Variants in RNF128 observed in about 807,000 individuals in gnomAD.
RNF128 encodes the protein E3 ubiquitin-protein ligase RNF128.
In RNF128, 13 loss-of-function variants were observed where a neutral mutation model predicts 26.2. That is an observed-to-expected ratio of 0.50 (90% CI 0.32 to 0.79). RNF128 has a LOEUF of 0.79. Ranked by LOEUF, RNF128 falls within the 30% of genes least tolerant of loss-of-function variation. The pLI, the probability that RNF128 is intolerant of heterozygous loss-of-function variation, is 0.03. For synonymous variants in RNF128, 149 were observed against 142.5 expected (o/e 1.05, Z -0.32); for missense variants, 315 against 349.7 (o/e 0.90, Z 0.79).
At chrX:106,760,978 A>G (rs757173287) in intron 1 of RNF128, among the ~76,000 whole-genome samples, 2 of 112,115 alleles carry the variant, frequency 1.8e-5, no homozygotes, top group Non-Finnish European at 3.8e-5. Flanking sequence ...AACAGAGTAA[A>G]CAGACAACCT....
intron 1 of RNF128, among the ~76,000 whole-genome samples, chrX:106,770,089 T>C (rs1201242166): frequency 8.9e-6 from 1 of 112,166 alleles, no homozygotes; most frequent in Non-Finnish European, 1.9e-5. Context: ...CTCTTCTGAT[T>C]TGTAGAGTTT....
intron 1 of RNF128, among the ~76,000 whole-genome samples, chrX:106,771,434 T>C (rs1930368196): frequency 8.9e-6 from 1 of 112,772 alleles, no homozygotes; most frequent in South Asian, 3.7e-4. Context: ...TTTGTTTACC[T>C]ACTCAAGCCT....
At chrX:106,703,165 T>A (rs774086987) in intron 1 of RNF128, among the ~76,000 whole-genome samples, 2 of 111,729 alleles carry the variant, frequency 1.8e-5, no homozygotes, top group East Asian at 2.8e-4. Context: ...GAAATGAAAA[T>A]TTCCTTAATA....
intron 1 of RNF128, among the ~76,000 whole-genome samples, chrX:106,771,231 C>T (rs1254093331): frequency 6.2e-5 from 7 of 112,599 alleles, no homozygotes; most frequent in African/African-American, 9.7e-5. Context: ...GCAGTCTGTC[C>T]GTTCTCAGAT....
intron 1 of RNF128, among the ~76,000 whole-genome samples, chrX:106,736,488 AT>A (rs1929598850): frequency 9.0e-6 from 1 of 111,544 alleles, no homozygotes; most frequent in African/African-American, 3.2e-5. Context: ...CTTTTCAAAA[AT>A]TTTGTGCTTC....
At chrX:106,721,095 T>C (rs1045065295) in intron 1 of RNF128, among the ~76,000 whole-genome samples, 1 of 112,325 alleles carries the variant, frequency 8.9e-6, no homozygotes, top group Non-Finnish European at 1.9e-5. Flanking sequence ...CATTATGTTA[T>C]TTGGAAGTAT....
intron 1 of RNF128, among the ~76,000 whole-genome samples, chrX:106,701,310 A>G (rs1170522701): frequency 9.0e-6 from 1 of 111,603 alleles, no homozygotes; most frequent in Non-Finnish European, 1.9e-5. Flanking sequence ...CCGTTCTATC[A>G]TTGAGTATGT....
At chrX:106,750,606 T>C (rs1482726952) in intron 1 of RNF128, among the ~76,000 whole-genome samples, 2 of 111,654 alleles carry the variant, frequency 1.8e-5, no homozygotes, top group African/African-American at 6.5e-5. Context: ...GAGCCACCAA[T>C]GTAAATGTCA....
intron 1 of RNF128, among the ~76,000 whole-genome samples, chrX:106,761,982 T>G: frequency 9.1e-6 from 1 of 110,110 alleles, no homozygotes; most frequent in Non-Finnish European, 1.9e-5. Context: ...AATTTATAAT[T>G]GACACATAAT....
intron 1 of RNF128, among the ~76,000 whole-genome samples, chrX:106,716,115 A>C (rs1929211929): frequency 9.0e-6 from 1 of 110,768 alleles, no homozygotes; most frequent in Admixed American, 9.6e-5. Context: ...ACCTTCCCTC[A>C]CCATTTGTGT....
intron 1 of RNF128, among the ~76,000 whole-genome samples, chrX:106,719,228 ATTT>A (rs11328315): frequency 0.12 from 12,077 of 100,588 alleles, 1,701 homozygotes; most frequent in African/African-American, 0.4. Flanking sequence ...GCCCATGGGC[ATTT>A]TTTTTTTTTT....
intron 1 of RNF128, among the ~76,000 whole-genome samples, chrX:106,768,709 A>G (rs1055588241): frequency 2.7e-5 from 3 of 109,899 alleles, no homozygotes; most frequent in Non-Finnish European, 5.7e-5. Context: ...TTGTGTCTCT[A>G]TCTCCTTCTC....
chrX:106,775,393 A>G (rs772304315), intron 2 of RNF128, among the ~76,000 whole-genome samples: 3 of 112,090 alleles, frequency 2.7e-5, no homozygotes, highest in African/African-American at 9.7e-5. Context: ...AGGTTTATAA[A>G]GAACTTTGTC....
intron 1 of RNF128, among the ~76,000 whole-genome samples, chrX:106,737,154 C>T (rs1459194982): frequency 9.0e-6 from 1 of 111,409 alleles, no homozygotes; most frequent in African/African-American, 3.3e-5. Context: ...TTTGTAATGT[C>T]CCTAAAAGTC....
chrX:106,713,244 C>T (rs766525910), intron 1 of RNF128, among the ~76,000 whole-genome samples: 1 of 108,680 alleles, frequency 9.2e-6, no homozygotes, highest in Non-Finnish European at 1.9e-5. Flanking sequence ...TGCGGTGGCT[C>T]ACACCTGTAA....
chrX:106,760,905 A>G (rs189312413), intron 1 of RNF128, among the ~76,000 whole-genome samples: 101 of 112,219 alleles, frequency 9.0e-4, no homozygotes, highest in Non-Finnish European at 1.6e-3. Flanking sequence ...AAAAACAAAA[A>G]CAAAAGTTGG....
intron 1 of RNF128, among the ~76,000 whole-genome samples, chrX:106,756,432 G>A (rs1380904306): frequency 9.2e-5 from 10 of 109,141 alleles, no homozygotes; most frequent in African/African-American, 3.5e-4. Context: ...AAATAATGCT[G>A]CATACCTACA....
rs1385683678 is a variant in RNF128 at position 106,796,287 on chromosome X, T to C, written c.*574T>C. The C allele has an allele frequency of 8.9e-6, 1 of 112,389 alleles. No individual in the cohort carries two copies. Among genetic ancestry groups the C allele is most frequent in the African/African-American group, 3.2e-5 (1 of 30,939 alleles). The allele number at this position is 112,389 out of a possible 1,213,427, so 9.3% of individuals were successfully genotyped here. On this transcript the variant is annotated 3_prime_UTR_variant, in exon 7 of 7. Coordinates refer to ENST00000255499, the MANE Select transcript of RNF128 (RefSeq NM_194463.2). ...ATTTTTAAAATTAGGCTGAATGTAC[T>C]TCATGTGATTTGTCAACCATAGTTT...
At chrX:106,763,143 G>T (rs1329751776) in intron 1 of RNF128, among the ~76,000 whole-genome samples, 1 of 108,897 alleles carries the variant, frequency 9.2e-6, no homozygotes, top group Admixed American at 9.9e-5. Context: ...AAGCAGAAAG[G>T]TCAACTCTAA....
Sources: allele counts gnomAD v4.1 joint callset (sites outside exome capture counted in the v4.1 genomes callset), GRCh38; gene constraint gnomAD v4.1.1; transcripts MANE v1.5; gene names NCBI Gene and HGNC (gene_info 2026-07-23, HGNC 2026-07-21).